Variants in CLNK observed in about 807,000 individuals in gnomAD.
CLNK encodes cytokine-dependent hematopoietic cell linker.
CLNK carries 74 observed loss-of-function variants against 68.6 expected under a neutral mutation model. That is an observed-to-expected ratio of 1.08 (90% CI 0.89 to 1.31). The LOEUF (loss-of-function observed/expected upper bound fraction) is 1.31. Ranked by LOEUF, CLNK falls within the 50% of genes most tolerant of loss-of-function variation. The pLI, the probability that CLNK is intolerant of heterozygous loss-of-function variation, is 0.00. For synonymous variants in CLNK, 198 were observed against 172.2 expected, an observed-to-expected ratio of 1.15 and a Z score of -1.17; for missense variants, 553 against 515.3, an observed-to-expected ratio of 1.07 and a Z score of -0.71.
chr4:10,522,803 T>C (rs1718135881), intron 14 of CLNK, among the ~76,000 whole-genome samples: 1 of 152,170 alleles, frequency 6.6e-6, no homozygotes, highest in Non-Finnish European at 1.5e-5. Flanking sequence ...GTTTCTGTAG[T>C]AGTAAAAGGT....
intron 7 of CLNK, among the ~76,000 whole-genome samples, chr4:10,559,604 G>A (rs904738180): frequency 1.3e-5 from 2 of 152,090 alleles, no homozygotes; most frequent in African/African-American, 4.8e-5. Context: ...GGAGGCAGGA[G>A]AGGTTCCCAT....
At chr4:10,526,638 G>A (rs541113370) in intron 13 of CLNK, among the ~76,000 whole-genome samples, 70 of 152,260 alleles carry the variant, frequency 4.6e-4, no homozygotes, top group African/African-American at 1.5e-3. Context: ...TCTTGTGACA[G>A]GGCAGGTGAG....
the CLNK span, among the ~76,000 whole-genome samples, chr4:10,716,265 G>C: frequency 6.6e-6 from 1 of 152,060 alleles, no homozygotes; most frequent in Middle Eastern, 3.2e-3. Flanking sequence ...ATTCTGATAG[G>C]ATCAAGTAAA....
chr4:10,488,090 A>G lies in CLNK; in HGVS notation c.*2377T>C, dbSNP rs954903593. On this transcript the variant is annotated 3_prime_UTR_variant, in exon 19 of 19. Coordinates refer to ENST00000226951, the MANE Select transcript of CLNK (RefSeq NM_052964.4). The stretch of plus-strand genomic sequence containing the variant: ...AAAAATATTGTAAGCTTTTTATTGC[A>G]AGATGTTTAATTTCTTTTTTTTCTT... 12 of 152,190 alleles carry G rather than the reference A, an allele frequency of 7.9e-5. No homozygotes were observed. The highest frequency in any genetic ancestry group is 2.9e-4 in the African/African-American group (12 of 41,436). 9.4% of individuals were successfully genotyped at this position (152,190 alleles called of 1,614,324 possible).
At chr4:10,612,934 G>T (rs1007880930) in intron 2 of CLNK, among the ~76,000 whole-genome samples, 3 of 152,166 alleles carry the variant, frequency 2.0e-5, no homozygotes, top group South Asian at 4.1e-4. Context: ...TTACAACCAT[G>T]CTTGGAATAG....
At chr4:10,564,336 CTTATA>C (rs1720011813) in intron 7 of CLNK, among the ~76,000 whole-genome samples, 1 of 152,162 alleles carries the variant, frequency 6.6e-6, no homozygotes, top group African/African-American at 2.4e-5. Context: ...TGGGCAAAAT[CTTATA>C]TTATGATCAG....
In CLNK at chr4:10,490,457, A is replaced by G; in HGVS notation, c.*10T>C. 2 of 1,611,648 alleles carry G rather than the reference A, an allele frequency of 1.2e-6. No homozygotes were observed. The highest frequency in any genetic ancestry group is 8.5e-7 in the Non-Finnish European group (1 of 1,179,218). On this transcript the variant is annotated 3_prime_UTR_variant, in exon 19 of 19. Coordinates refer to ENST00000226951, the MANE Select transcript of CLNK (RefSeq NM_052964.4). ...GAATCCAGTAAACCAAAGATAACAC[A>G]AAGACCAGGCTACAGAGGCAAGAGG...
chr4:10,610,044 T>G (rs1245713289), intron 2 of CLNK, among the ~76,000 whole-genome samples: 2 of 1,930 alleles, frequency 1.0e-3, no homozygotes, highest in African/African-American at 1.3e-3. Flanking sequence ...TTTTTTTTTT[T>G]TTTTTTTTTT....
chr4:10,541,931 A>C (rs768077082), intron 10 of CLNK, 91 bp downstream of exon 10: 41 of 963,478 alleles, frequency 4.3e-5, no homozygotes, highest in Non-Finnish European at 6.0e-5. Flanking sequence ...TTAGATTTTC[A>C]ATGTCAAATG....
At chr4:10,720,081 A>G in the CLNK span, among the ~76,000 whole-genome samples, 1 of 152,182 alleles carries the variant, frequency 6.6e-6, no homozygotes, top group Non-Finnish European at 1.5e-5. Context: ...AATTTAGAGC[A>G]CTAACTGCAA....
intron 8 of CLNK, among the ~76,000 whole-genome samples, chr4:10,552,910 A>G (rs1293644615): frequency 6.6e-6 from 1 of 152,140 alleles, no homozygotes; most frequent in Non-Finnish European, 1.5e-5. Context: ...AGCAGCTTTT[A>G]CTATACCAAT....
At chr4:10,695,988 TG>T in the CLNK span, among the ~76,000 whole-genome samples, 2 of 152,114 alleles carry the variant, frequency 1.3e-5, no homozygotes, top group East Asian at 3.9e-4. Flanking sequence ...CCCGAGTAGC[TG>T]GGATTACAGG....
the CLNK span, among the ~76,000 whole-genome samples, chr4:10,689,949 C>T: frequency 2.6e-5 from 4 of 151,826 alleles, no homozygotes; most frequent in Admixed American, 1.3e-4. Flanking sequence ...TGCTATGAGC[C>T]TCCCCACAAT....
At chr4:10,500,283 A>G (rs547420856) in intron 18 of CLNK, among the ~76,000 whole-genome samples, 20 of 152,232 alleles carry the variant, frequency 1.3e-4, no homozygotes, top group African/African-American at 4.8e-4. Context: ...CCCTTCCGTT[A>G]CTGCCTGTGT....
chr4:10,494,739 G>C (rs1443923359), intron 18 of CLNK, among the ~76,000 whole-genome samples: 1 of 152,184 alleles, frequency 6.6e-6, no homozygotes, highest in African/African-American at 2.4e-5. Context: ...GATTACAGGC[G>C]TGAGCCCCCG....
At chr4:10,595,557 G>C (rs1456012176) in intron 3 of CLNK, among the ~76,000 whole-genome samples, 3 of 152,168 alleles carry the variant, frequency 2.0e-5, no homozygotes, top group Non-Finnish European at 4.4e-5. Context: ...ACTCAGCTTG[G>C]TGTTTTACTT....
intron 2 of CLNK, among the ~76,000 whole-genome samples, chr4:10,649,039 T>G (rs1723627174): frequency 6.6e-6 from 1 of 152,200 alleles, no homozygotes; most frequent in Non-Finnish European, 1.5e-5. Flanking sequence ...AAGAGCTTAA[T>G]TCATGCTCGT....
chr4:10,498,755 A>G lies in CLNK; in HGVS notation c.1140+2501T>C, dbSNP rs1397987384. Reference sequence around the variant, plus strand: ...ATTTATTAACTTGCCAATCCTCTCCACAAAATGAAGAACTGACCACTTCTG... The same window carrying G: ...ATTTATTAACTTGCCAATCCTCTCCGCAAAATGAAGAACTGACCACTTCTG... On this transcript the variant is annotated intron_variant, in intron 18 of 18. Coordinates refer to ENST00000226951, the MANE Select transcript of CLNK (RefSeq NM_052964.4). 7.9e-5 allele frequency among the ~76,000 whole-genome samples: 12 copies of G among 152,314 alleles called. No individual in the cohort carries two copies. The East Asian group carries it at 2.3e-3, about 29-fold the overall frequency.
chr4:10,583,885 C>T (rs542735601), intron 4 of CLNK, among the ~76,000 whole-genome samples: 10 of 152,096 alleles, frequency 6.6e-5, no homozygotes, highest in Non-Finnish European at 1.5e-4. Context: ...TATGATTCAC[C>T]GGTCACCAAG....
Sources: gnomAD v4.1 joint callset for allele counts (sites outside exome capture counted in the v4.1 genomes callset) on GRCh38, gnomAD v4.1.1 for gene constraint, MANE v1.5 for transcripts, NCBI Gene and HGNC (gene_info 2026-07-23, HGNC 2026-07-21) for gene names.